ASS1: variants seen among roughly 807,000 people sequenced by gnomAD.
ASS1 encodes argininosuccinate synthase.
In ASS1, 58 loss-of-function variants were observed where a neutral mutation model predicts 60.5. That is an observed-to-expected ratio of 0.96 (90% CI 0.78 to 1.19). The LOEUF is 1.19. Ranked by LOEUF, ASS1 falls within the 50% of genes most tolerant of loss-of-function variation. ASS1 has a pLI of 0.00. For synonymous variants in ASS1, 200 were observed against 206.9 expected, an observed-to-expected ratio of 0.97 and a Z score of 0.29; for missense variants, 454 against 547.3, an observed-to-expected ratio of 0.83 and a Z score of 1.70.
At position 130,488,315 on chromosome 9, in the gene ASS1, G is replaced by A. The variant is rs116959026; in HGVS notation, c.839-1018G>A. ...GTATGGTGGAAGAAAGGAAGCTCTC[G>A]GGGTAGAATCCATGGAGATGGGGGA... On this transcript the variant is annotated intron_variant, in intron 11 of 14. Coordinates refer to ENST00000352480, the MANE Select transcript of ASS1 (RefSeq NM_054012.4). This position sits in a 1 kb window ranked among gnomAD's most constrained non-coding sequence, Gnocchi z 5.2. 2.4e-3 allele frequency among the ~76,000 whole-genome samples: 362 copies of A among 152,338 alleles called. No homozygotes were observed. Among genetic ancestry groups the A allele is most frequent in the Non-Finnish European group, 4.1e-3 (279 of 68,034 alleles).
At chr9:130,466,140 G>A (rs548720559) in intron 5 of ASS1, among the ~76,000 whole-genome samples, 2 of 152,356 alleles carry the variant, frequency 1.3e-5, no homozygotes, top group East Asian at 3.9e-4. Context: ...CCTGCTCAGA[G>A]GCAGGGGCCT....
At chr9:130,480,537 A>T in intron 11 of ASS1, 88 bp downstream of exon 11, 1 of 1,432,180 alleles carries the variant, frequency 7.0e-7, no homozygotes, top group Non-Finnish European at 9.6e-7. Flanking sequence ...GGACGCTACT[A>T]CCCCCATGCT....
chr9:130,481,086 G>C (rs1222401300), intron 11 of ASS1, among the ~76,000 whole-genome samples: 1 of 152,246 alleles, frequency 6.6e-6, no homozygotes, highest in African/African-American at 2.4e-5. Context: ...CCAGGAGCAG[G>C]GCAGTTGGTC....
In ASS1 at chr9:130,459,917, T is replaced by C. The variant is rs186348435; in HGVS notation, c.363+1328T>C. ...GGTGCAAGACAGGAAGCCCCCTGCC[T>C]GCTGCTCTTCGGAAGGCAGTCCTTG... On this transcript the variant is annotated intron_variant, in intron 4 of 14. Transcript: ENST00000352480. This position sits in a 1 kb window ranked among gnomAD's most constrained non-coding sequence, Gnocchi z 4.6. 3.5e-3 allele frequency among the ~76,000 whole-genome samples: 538 copies of C among 152,370 alleles called. 4 individuals are homozygous for C. The highest frequency in any genetic ancestry group is 0.012 in the African/African-American group (519 of 41,586).
rs760943587 is a variant in ASS1, at chr9:130,464,137, C to G, written c.390C>G (p.Leu130=). ...GKGNDQVRFE[L]SCYSLAPQIK... ...GGAACGATCAGGTCCGGTTTGAGCT[C>G]AGCTGCTACTCACTGGCCCCCCAGA... Residue 130 remains leucine (L), a synonymous_variant, in exon 5 of 15, where the codon CTC becomes CTG. Coordinates refer to ENST00000352480, the MANE Select transcript of ASS1 (RefSeq NM_054012.4). 5 of 1,613,890 alleles carry G rather than the reference C, an allele frequency of 3.1e-6. No homozygotes were observed. The Admixed American group carries it at 8.3e-5, about 27-fold the overall frequency.
At chr9:130,481,584 C>G (rs185062494) in intron 11 of ASS1, among the ~76,000 whole-genome samples, 51 of 152,338 alleles carry the variant, frequency 3.3e-4, no homozygotes, top group African/African-American at 1.1e-3. Flanking sequence ...CTTCTGGTCT[C>G]AGGTTTGCCC....
intron 6 of ASS1, among the ~76,000 whole-genome samples, chr9:130,469,255 T>C (rs968451632): frequency 1.3e-5 from 2 of 151,848 alleles, no homozygotes; most frequent in Admixed American, 1.3e-4. Context: ...ACAGGGCGAG[T>C]GTGTGGGCTG....
rs72401707 is a variant in ASS1 at position 130,445,222 on chromosome 9, G to GCGGGGGCGCGAGTCCC, written c.-6+248_-6+263dup. ...AGGTTTCTGGAGCGTGGGGGACGCGGCGGGGGCGCGAGTCCCCGGGGGCGC... is the reference window on the plus strand; with the variant it reads ...AGGTTTCTGGAGCGTGGGGGACGCGGCGGGGGCGCGAGTCCCCGGGGGCGCGAGTCCCCGGGGGCGC... On this transcript the variant is annotated intron_variant, in intron 1 of 14. Coordinates refer to ENST00000352480, the MANE Select transcript of ASS1 (RefSeq NM_054012.4). The GCGGGGGCGCGAGTCCC allele has an allele frequency of 6.0e-5, 59 of 979,498 alleles. No homozygotes were observed. In the East Asian group the frequency reaches 1.3e-3, roughly 21 times the overall value. 60.7% of individuals were successfully genotyped at this position (979,498 alleles called of 1,614,324 possible). A position where few individuals can be genotyped will look rare whatever the true frequency, so the allele number is the denominator to read the frequency against.
At chr9:130,463,959 A>G in intron 4 of ASS1, 152 bp from the exon 5 acceptor site, 1 of 794,948 alleles carries the variant, frequency 1.3e-6, no homozygotes, top group Non-Finnish European at 2.2e-6. Context: ...CCACATGCCC[A>G]CACATACACG....
intron 3 of ASS1, among the ~76,000 whole-genome samples, chr9:130,456,163 C>A (rs544821803): frequency 1.6e-4 from 25 of 152,330 alleles, no homozygotes; most frequent in Non-Finnish European, 2.5e-4. Context: ...TGTTTATTTT[C>A]TTGCATATAA....
intron 4 of ASS1, among the ~76,000 whole-genome samples, chr9:130,462,621 A>G (rs1202268776): frequency 6.6e-6 from 1 of 152,132 alleles, no homozygotes; most frequent in East Asian, 1.9e-4. Context: ...TGTTGGGGAA[A>G]CATGAAGCTG....
Position 130,471,352 on chromosome 9 carries a change from G to T in ASS1, c.567-133G>T, listed in dbSNP as rs1018837834. On this transcript the variant is annotated intron_variant, in intron 7 of 14. Transcript: ENST00000352480. ...GGTGGGCCCAGAATGTTTCAGGCAG[G>T]TTGGCAGCAGATGCTCTGGCAGAGA... The T allele has an allele frequency of 6.2e-6, 7 of 1,134,414 alleles. No homozygotes were observed. In the African/African-American group the frequency reaches 9.2e-5, roughly 15 times the overall value. 70.3% of individuals were successfully genotyped at this position (1,134,414 alleles called of 1,614,324 possible). A position where few individuals can be genotyped will look rare whatever the true frequency, so the allele number is the denominator to read the frequency against.
At chr9:130,445,058 C>A in intron 1 of ASS1, 63 bp downstream of exon 1, 1 of 740,098 alleles carries the variant, frequency 1.4e-6, no homozygotes, top group Non-Finnish European at 1.7e-6. Flanking sequence ...CTTCCCGGGC[C>A]CAGAGGAGGA....
chr9:130,446,561 G>A (rs992891312), intron 1 of ASS1, among the ~76,000 whole-genome samples: 1 of 152,214 alleles, frequency 6.6e-6, no homozygotes, highest in Admixed American at 6.5e-5. Context: ...GCGCCTGGCC[G>A]GTGCGGGGGC....
At chr9:130,468,623 G>A (rs1191207758) in intron 6 of ASS1, among the ~76,000 whole-genome samples, 2 of 151,864 alleles carry the variant, frequency 1.3e-5, no homozygotes, top group Admixed American at 1.3e-4. Flanking sequence ...TTACAGACAG[G>A]GTCTCACCAT....
chr9:130,495,919 G>A (rs758362994), intron 13 of ASS1, among the ~76,000 whole-genome samples: 4 of 152,168 alleles, frequency 2.6e-5, no homozygotes, highest in Non-Finnish European at 5.9e-5. Flanking sequence ...AAATGCTCTT[G>A]AGGAAGGATC....
At chr9:130,483,569 G>A (rs191725468) in intron 11 of ASS1, among the ~76,000 whole-genome samples, 7 of 151,732 alleles carry the variant, frequency 4.6e-5, no homozygotes, top group Admixed American at 3.3e-4. Context: ...GGAGGAGAAG[G>A]GGGGCAAGGC....
chr9:130,489,322 A>G lies in ASS1; in HGVS notation c.839-11A>G. The G allele has an allele frequency of 6.2e-7, 1 of 1,613,686 alleles. No individual in the cohort carries two copies. The highest frequency in any genetic ancestry group is 8.5e-7 in the Non-Finnish European group (1 of 1,179,934). On this transcript the variant is annotated splice_polypyrimidine_tract_variant and intron_variant, in intron 11 of 14. Coordinates refer to ENST00000352480, the MANE Select transcript of ASS1 (RefSeq NM_054012.4). The surrounding 1 kb of genome is among the most constrained non-coding windows in gnomAD (Gnocchi z 4.1). The stretch of plus-strand genomic sequence containing the variant: ...TTTTCTCCTTTTCCCCCTGCCTGGA[A>G]AAATGGCTAGGTATCTACGAGACCC...
At chr9:130,452,383 C>T in intron 2 of ASS1, 50 bp downstream of exon 2, 1 of 1,504,034 alleles carries the variant, frequency 6.6e-7, no homozygotes, top group South Asian at 1.1e-5. Context: ...TGCAACCTGT[C>T]CTGTCTGCCC....
Sources: allele counts gnomAD v4.1 joint callset (sites outside exome capture counted in the v4.1 genomes callset), GRCh38; gene constraint gnomAD v4.1.1; non-coding constraint Gnocchi (gnomAD v3.1); transcripts MANE v1.5; gene names NCBI Gene and HGNC (gene_info 2026-07-23, HGNC 2026-07-21).